ZNF362: variants seen among roughly 807,000 people sequenced by gnomAD.
ZNF362 encodes the protein zinc finger protein 362, also known as rotund homolog.
A neutral mutation model predicts 42.9 loss-of-function variants in ZNF362; 11 were observed. The observed-to-expected ratio is 0.26, with a 90% CI of 0.16 to 0.42. The LOEUF (loss-of-function observed/expected upper bound fraction) is 0.42. ZNF362 is among the 20% of genes least tolerant of loss of function. The probability of loss-of-function intolerance (pLI) is 1.00; values close to 1 mark genes in which losing one functional copy is unlikely to be tolerated. For missense variants in ZNF362, 362 were observed against 576.2 expected, an observed-to-expected ratio of 0.63 and a Z score of 3.81; for synonymous variants, 255 against 257.3, an observed-to-expected ratio of 0.99 and a Z score of 0.09.
At chr1:33,148,572 A>G in the ZNF362 span, among the ~76,000 whole-genome samples, 349 of 152,294 alleles carry the variant, frequency 2.3e-3, 3 homozygotes, top group Admixed American at 3.7e-3. Context: ...TAGGTTTTCT[A>G]GTGTGATTGT....
the ZNF362 span, among the ~76,000 whole-genome samples, chr1:33,248,884 T>G: frequency 1.3e-5 from 2 of 152,214 alleles, no homozygotes; most frequent in Non-Finnish European, 2.9e-5. Flanking sequence ...GGCTCTCCCA[T>G]TTTATGGATC....
the ZNF362 span, among the ~76,000 whole-genome samples, chr1:33,162,087 A>G: frequency 6.6e-6 from 1 of 152,188 alleles, no homozygotes; most frequent in Admixed American, 6.5e-5. Context: ...TTGGTCTACA[A>G]GTCAACTCTT....
chr1:33,209,983 TGC>T, the ZNF362 span, among the ~76,000 whole-genome samples: 1 of 152,322 alleles, frequency 6.6e-6, no homozygotes, highest in East Asian at 1.9e-4. Context: ...TGAATTTGTT[TGC>T]TCTTCCTTCT....
chr1:33,141,721 A>C, the ZNF362 span: 4 of 160,034 alleles, frequency 2.5e-5, no homozygotes. Context: ...GAACTGTTGA[A>C]ATTTTTAAAG....
the ZNF362 span, among the ~76,000 whole-genome samples, chr1:33,238,730 G>A: frequency 1.3e-4 from 20 of 152,094 alleles, no homozygotes; most frequent in African/African-American, 4.8e-4. Flanking sequence ...TAAGGGTGGG[G>A]TCCTAATCCG....
At chr1:33,157,616 G>A in the ZNF362 span, among the ~76,000 whole-genome samples, 1 of 152,072 alleles carries the variant, frequency 6.6e-6, no homozygotes, top group Non-Finnish European at 1.5e-5. Flanking sequence ...TGCTTACTAT[G>A]GTATCTCCAG....
At chr1:33,132,997 G>T in the ZNF362 span, among the ~76,000 whole-genome samples, 1 of 152,250 alleles carries the variant, frequency 6.6e-6, no homozygotes, top group Non-Finnish European at 1.5e-5. Flanking sequence ...CCTCAGCTGG[G>T]GTGAAACCAG....
the ZNF362 span, chr1:33,146,938 C>T: frequency 5.8e-5 from 32 of 556,494 alleles, no homozygotes; most frequent in Non-Finnish European, 7.7e-5. Context: ...AGCCATGTCA[C>T]ATCCTTGGAT....
the ZNF362 span, chr1:33,176,593 C>G: frequency 1.9e-6 from 1 of 523,062 alleles, no homozygotes; most frequent in South Asian, 2.5e-5. Flanking sequence ...ACCAAGATGA[C>G]GTCCCAACCA....
At chr1:33,208,476 G>T in the ZNF362 span, among the ~76,000 whole-genome samples, 1 of 151,978 alleles carries the variant, frequency 6.6e-6, no homozygotes, top group African/African-American at 2.4e-5. Context: ...GAAAATCAGT[G>T]GTAGCTTGAT....
rs1165264798 is a variant in ZNF362, at chr1:33,270,705, G to A, written c.38+93G>A. 20 of 1,555,590 alleles carry A rather than the reference G, an allele frequency of 1.3e-5. No individual in the cohort carries two copies. The South Asian group carries it at 1.4e-4, about 11-fold the overall frequency. ...TGTGTTCGTCCCACCTTCCCTGAGT[G>A]CCCCCGCTGCTACCCTCTGGGTCTG... is the stretch of plus-strand genomic sequence containing the variant. On this transcript the variant is annotated intron_variant, in intron 2 of 8. Coordinates refer to ENST00000539719, the MANE Select transcript of ZNF362 (RefSeq NM_152493.3).
At chr1:33,158,280 TC>T in the ZNF362 span, 4 of 1,614,038 alleles carry the variant, frequency 2.5e-6, no homozygotes, top group South Asian at 4.4e-5. Flanking sequence ...AACAGGGACT[TC>T]CAGATGGTGT....
At chr1:33,262,712 A>G (rs1645837490) in intron 1 of ZNF362, among the ~76,000 whole-genome samples, 1 of 152,106 alleles carries the variant, frequency 6.6e-6, no homozygotes. Context: ...ACACACTCAA[A>G]TACATTCATA....
chr1:33,215,407 A>G, the ZNF362 span, among the ~76,000 whole-genome samples: 21 of 152,314 alleles, frequency 1.4e-4, no homozygotes, highest in Non-Finnish European at 2.2e-4. Flanking sequence ...AAATATACTT[A>G]TATAGAATGA....
the ZNF362 span, among the ~76,000 whole-genome samples, chr1:33,170,416 C>T: frequency 1.3e-5 from 2 of 152,058 alleles, no homozygotes; most frequent in African/African-American, 2.4e-5. Context: ...AAAAATCTCC[C>T]CCACTAGATT....
chr1:33,159,124 T>A, the ZNF362 span, among the ~76,000 whole-genome samples: 12 of 152,016 alleles, frequency 7.9e-5, no homozygotes, highest in African/African-American at 2.9e-4. This position sits in a 1 kb window ranked among gnomAD's most constrained non-coding sequence, Gnocchi z 4.2. Flanking sequence ...GGATTACAGG[T>A]GTGAGCCACC....
chr1:33,151,702 G>A, the ZNF362 span, among the ~76,000 whole-genome samples: 1 of 152,194 alleles, frequency 6.6e-6, no homozygotes, highest in South Asian at 2.1e-4. Flanking sequence ...GAGGCAGCCC[G>A]TCTGGTCTCC....
the ZNF362 span, among the ~76,000 whole-genome samples, chr1:33,151,986 G>A: frequency 2.0e-5 from 3 of 152,228 alleles, no homozygotes; most frequent in Non-Finnish European, 4.4e-5. Flanking sequence ...GTTTTCCTCT[G>A]GCCAGGCCTT....
the ZNF362 span, among the ~76,000 whole-genome samples, chr1:33,209,669 G>T: frequency 2.0e-5 from 3 of 152,136 alleles, no homozygotes; most frequent in Non-Finnish European, 4.4e-5. Flanking sequence ...TATGTGTCCA[G>T]GAATTTATCC....
Sources: allele counts gnomAD v4.1 joint callset (sites outside exome capture counted in the v4.1 genomes callset), GRCh38; gene constraint gnomAD v4.1.1; non-coding constraint Gnocchi (gnomAD v3.1); transcripts MANE v1.5; gene names NCBI Gene and HGNC (gene_info 2026-07-23, HGNC 2026-07-21).